SKAP1: variants seen among roughly 807,000 people sequenced by gnomAD.
SKAP1 encodes src kinase-associated phosphoprotein 1.
A neutral mutation model predicts 58.5 loss-of-function variants in SKAP1; 44 were observed. That is an observed-to-expected ratio of 0.75 (90% CI 0.59 to 0.97). The LOEUF is 0.97. Among genes scored for constraint, SKAP1 ranks in the 50% least tolerant of loss-of-function variants. The pLI, the probability that SKAP1 is intolerant of heterozygous loss-of-function variation, is 0.00. For synonymous variants in SKAP1, 127 were observed against 149.7 expected, an observed-to-expected ratio of 0.85 and a Z score of 1.11; for missense variants, 390 against 435.2, an observed-to-expected ratio of 0.90 and a Z score of 0.92.
intron 4 of SKAP1, among the ~76,000 whole-genome samples, chr17:48,338,879 T>C (rs923269330): frequency 7.9e-5 from 12 of 152,214 alleles, no homozygotes; most frequent in Admixed American, 7.8e-4. Context: ...CCAGACTATA[T>C]AAACGACATG....
At position 48,329,706 on chromosome 17, in the gene SKAP1, TA is replaced by T. The variant is rs752624098; in HGVS notation, c.280+16198del. On this transcript the variant is annotated intron_variant, in intron 4 of 12. Transcript: ENST00000336915. ...TGGGGGACAAGAGAGAGACTTTGTC[TA>T]AAAAAAACAAAAAAACAAAAAACAA... 6.6e-5 allele frequency among the ~76,000 whole-genome samples: 10 copies of T among 151,778 alleles called. No individual in the cohort carries two copies. The East Asian group carries it at 1.7e-3, about 26-fold the overall frequency.
At chr17:48,284,697 A>G in intron 4 of SKAP1, among the ~76,000 whole-genome samples, 1 of 152,230 alleles carries the variant, frequency 6.6e-6, no homozygotes, top group Non-Finnish European at 1.5e-5. Flanking sequence ...TAGAGAACAT[A>G]TCTATGTCAA....
At chr17:48,160,674 T>C (rs928358044) in intron 11 of SKAP1, among the ~76,000 whole-genome samples, 3 of 152,112 alleles carry the variant, frequency 2.0e-5, no homozygotes, top group Non-Finnish European at 4.4e-5. Context: ...AAAATAATCA[T>C]GACAGAGAGA....
At chr17:48,327,143 G>A (rs868540810) in intron 4 of SKAP1, among the ~76,000 whole-genome samples, 5 of 152,092 alleles carry the variant, frequency 3.3e-5, no homozygotes, top group East Asian at 3.9e-4. Flanking sequence ...TGTCCGCCTC[G>A]GCCTCCCAAA....
At chr17:48,244,579 T>C (rs552641068) in intron 4 of SKAP1, among the ~76,000 whole-genome samples, 7 of 151,628 alleles carry the variant, frequency 4.6e-5, no homozygotes, top group Admixed American at 3.3e-4. Flanking sequence ...GCAAGTTTAC[T>C]TCCTGTTAAA....
At chr17:48,254,511 T>A (rs111709320) in intron 4 of SKAP1, among the ~76,000 whole-genome samples, 1 of 151,988 alleles carries the variant, frequency 6.6e-6, no homozygotes, top group African/African-American at 2.4e-5. Flanking sequence ...TGCACATATA[T>A]ATAGATGTAT....
rs1465542677 is a variant in SKAP1, at chr17:48,395,201, T to C, written c.152+1479A>G. On this transcript the variant is annotated intron_variant, in intron 2 of 12. Coordinates refer to ENST00000336915, the MANE Select transcript of SKAP1 (RefSeq NM_003726.4). ...TTTAAAAGAGGATTAAGAAGTATAA[T>C]AATATGCAGCTGACAGTAATGAGTT... Among the ~76,000 whole-genome samples the C allele has an allele frequency of 4.6e-5, 7 of 152,336 alleles. No individual in the cohort carries two copies. The East Asian group carries it at 1.3e-3, about 29-fold the overall frequency.
intron 4 of SKAP1, among the ~76,000 whole-genome samples, chr17:48,277,202 A>G (rs893981079): frequency 6.6e-6 from 1 of 152,240 alleles, no homozygotes; most frequent in African/African-American, 2.4e-5. Flanking sequence ...AAAACAAAGT[A>G]CAATCTGAAG....
At chr17:48,371,489 A>C (rs778383686) in intron 2 of SKAP1, among the ~76,000 whole-genome samples, 7 of 151,738 alleles carry the variant, frequency 4.6e-5, no homozygotes, top group Non-Finnish European at 8.8e-5. Flanking sequence ...CTGATGAAAC[A>C]GGTCAGACAA....
intron 4 of SKAP1, among the ~76,000 whole-genome samples, chr17:48,340,117 T>C (rs1179007192): frequency 6.6e-6 from 1 of 151,928 alleles, no homozygotes; most frequent in African/African-American, 2.4e-5. Context: ...GAGGTGGAGG[T>C]TGCAGTGGGC....
intron 4 of SKAP1, among the ~76,000 whole-genome samples, chr17:48,214,508 A>G (rs1162026236): frequency 6.6e-6 from 1 of 152,124 alleles, no homozygotes; most frequent in Admixed American, 6.5e-5. Context: ...TCTTGGGTTC[A>G]AGCAATCTAC....
At chr17:48,339,904 C>T (rs1377844786) in intron 4 of SKAP1, among the ~76,000 whole-genome samples, 15 of 152,088 alleles carry the variant, frequency 9.9e-5, no homozygotes, top group Non-Finnish European at 1.8e-4. Flanking sequence ...TACCAGTGGC[C>T]GGGCGCGGTG....
At chr17:48,386,491 G>C (rs1226903929) in intron 2 of SKAP1, among the ~76,000 whole-genome samples, 3 of 152,096 alleles carry the variant, frequency 2.0e-5, no homozygotes, top group African/African-American at 7.2e-5. Flanking sequence ...ATTAAAATGA[G>C]ATTATGATTA....
At chr17:48,286,206 A>T in intron 4 of SKAP1, among the ~76,000 whole-genome samples, 1 of 152,240 alleles carries the variant, frequency 6.6e-6, no homozygotes, top group East Asian at 1.9e-4. Flanking sequence ...CTGCTGTATA[A>T]GACTAAATTT....
chr17:48,240,616 T>C (rs750290917), intron 4 of SKAP1, among the ~76,000 whole-genome samples: 7 of 152,192 alleles, frequency 4.6e-5, no homozygotes, highest in Non-Finnish European at 8.8e-5. Context: ...GAGAAGAACC[T>C]AGTAAAGTGC....
intron 4 of SKAP1, among the ~76,000 whole-genome samples, chr17:48,228,695 GA>G (rs1393654054): frequency 6.6e-6 from 1 of 152,190 alleles, no homozygotes; most frequent in African/African-American, 2.4e-5. Context: ...TTTTATGAAT[GA>G]AGAAACTGAG....
chr17:48,413,999 C>T (rs1421138225), intron 1 of SKAP1, among the ~76,000 whole-genome samples: 1 of 152,122 alleles, frequency 6.6e-6, no homozygotes, highest in Non-Finnish European at 1.5e-5. Flanking sequence ...CAAAAACAAC[C>T]ATAAACAATG....
intron 4 of SKAP1, among the ~76,000 whole-genome samples, chr17:48,257,966 C>T (rs372019530): frequency 2.6e-5 from 4 of 151,974 alleles, no homozygotes; most frequent in Non-Finnish European, 5.9e-5. Flanking sequence ...ATGAGAAAAG[C>T]GACCCAACAT....
intron 4 of SKAP1, among the ~76,000 whole-genome samples, chr17:48,290,438 A>T (rs533590094): frequency 1.2e-4 from 19 of 152,206 alleles, no homozygotes; most frequent in South Asian, 8.3e-4. Context: ...GTTATCAGAC[A>T]ATGCACTAGA....
Sources: gnomAD v4.1 joint callset for allele counts (sites outside exome capture counted in the v4.1 genomes callset) on GRCh38, gnomAD v4.1.1 for gene constraint, MANE v1.5 for transcripts, NCBI Gene and HGNC (gene_info 2026-07-23, HGNC 2026-07-21) for gene names.